The following TCF7 variants were observed in gnomAD, a reference collection of about 807,000 sequenced individuals.
The protein encoded by TCF7 is T-cell-factor-7.
Under a neutral mutation model 46.8 loss-of-function variants are expected in TCF7, and 19 were observed. The ratio of observed to expected loss-of-function variants is 0.41; its 90% CI spans 0.28 to 0.60. TCF7 has a LOEUF of 0.60. TCF7 is among the 20% of genes least tolerant of loss of function. The pLI, the probability that TCF7 is intolerant of heterozygous loss-of-function variation, is 0.35. For synonymous variants in TCF7, 245 were observed against 213.4 expected, an observed-to-expected ratio of 1.15 and a Z score of -1.29; for missense variants, 547 against 504.6, an observed-to-expected ratio of 1.08 and a Z score of -0.81.
intron 5 of TCF7, among the ~76,000 whole-genome samples, chr5:134,140,111 C>T (rs1220843024): frequency 6.6e-6 from 1 of 152,180 alleles, no homozygotes; most frequent in African/African-American, 2.4e-5. Flanking sequence ...CAGCCCTGTG[C>T]TCTCGGCTTC....
chr5:134,111,581 T>G (rs1350173764), upstream of TCF7, among the ~76,000 whole-genome samples: 1 of 151,944 alleles, frequency 6.6e-6, no homozygotes, highest in Admixed American at 6.6e-5. Flanking sequence ...AAGGGAGAGA[T>G]TCTAGGCCCT....
At chr5:134,121,597 A>AG (rs929695546) in intron 3 of TCF7, among the ~76,000 whole-genome samples, 1 of 151,864 alleles carries the variant, frequency 6.6e-6, no homozygotes, top group African/African-American at 2.4e-5. Flanking sequence ...AAAAAAAAAA[A>AG]AAAAATGCAA....
In TCF7 at chr5:134,147,217, T is replaced by G. The variant is rs1275881290; in HGVS notation, c.*914T>G. On this transcript the variant is annotated 3_prime_UTR_variant, in exon 10 of 10. Coordinates refer to ENST00000342854, the MANE Select transcript of TCF7 (RefSeq NM_003202.5). ...TTGGGGAGGGGAGGGTGTATCTAGC[T>G]CTAGTTCAAATTATTTGGAAGTGTT... 6.6e-6 allele frequency: 1 copy of G among 152,232 alleles called. No individual in the cohort carries two copies. The highest frequency in any genetic ancestry group is 1.5e-5 in the Non-Finnish European group (1 of 68,106). 9.4% of individuals were successfully genotyped at this position (152,232 alleles called of 1,614,324 possible). A position where few individuals can be genotyped will look rare whatever the true frequency, so the allele number is the denominator to read the frequency against.
chr5:134,142,626 C>A, intron 6 of TCF7, 95 bp from the exon 7 acceptor site: 1 of 1,483,470 alleles, frequency 6.7e-7, no homozygotes, highest in Non-Finnish European at 9.1e-7. Flanking sequence ...TGGTATCATA[C>A]ACTTAGGCAC....
upstream of TCF7, among the ~76,000 whole-genome samples, chr5:134,111,602 A>T (rs1250751304): frequency 2.0e-5 from 3 of 152,278 alleles, no homozygotes; most frequent in African/African-American, 7.2e-5. Flanking sequence ...CTCTGCCAGC[A>T]AAGGTCTTGG....
At chr5:134,125,773 C>A (rs765337528) in intron 3 of TCF7, among the ~76,000 whole-genome samples, 2 of 152,198 alleles carry the variant, frequency 1.3e-5, no homozygotes, top group African/African-American at 2.4e-5. Context: ...TCACTGCCAA[C>A]ATGTTTGTGA....
Position 134,144,077 on chromosome 5 carries a change from A to G in TCF7, c.1075+437A>G, listed in dbSNP as rs540420801. On this transcript the variant is annotated intron_variant, in intron 9 of 9. Coordinates refer to ENST00000342854, the MANE Select transcript of TCF7 (RefSeq NM_003202.5). ...CCTACTGGCTGGAGCCTGGCAATTT[A>G]TCACCCCCACTTCAACATTTTTCAT... is the stretch of plus-strand genomic sequence containing the variant. 14 of 174,154 alleles carry G rather than the reference A, an allele frequency of 8.0e-5. 1 individual carries two copies. In the South Asian group the frequency reaches 1.9e-3, roughly 24 times the overall value. The allele number at this position is 174,154 out of a possible 1,614,324, so 10.8% of individuals were successfully genotyped here.
intron 3 of TCF7, among the ~76,000 whole-genome samples, chr5:134,135,226 C>A (rs919652531): frequency 6.6e-6 from 1 of 152,200 alleles, no homozygotes; most frequent in Non-Finnish European, 1.5e-5. Context: ...TCCCAAAGTG[C>A]TGGGATTACA....
upstream of TCF7, among the ~76,000 whole-genome samples, chr5:134,110,865 G>T (rs1428791762): frequency 2.6e-5 from 4 of 152,244 alleles, no homozygotes; most frequent in African/African-American, 9.6e-5. Flanking sequence ...AAAAGGAAAG[G>T]AAATGTATAT....
At position 134,115,104 on chromosome 5, in the gene TCF7, AG is replaced by A; in HGVS notation, c.201del (p.Ile68SerfsTer40). 9.4e-7 allele frequency: 1 copy of A among 1,065,778 alleles called. No homozygotes were observed. The highest frequency in any genetic ancestry group is 1.1e-6 in the Non-Finnish European group (1 of 873,758). 66.0% of individuals were successfully genotyped at this position (1,065,778 alleles called of 1,614,324 possible). A position where few individuals can be genotyped will look rare whatever the true frequency, so the allele number is the denominator to read the frequency against. ...AGTCCGAGGGCGCGGCCGGCGGCGC[AG>A]GGATCCCGGGGGTCCCGGGGGCCGG... ...NESEGAAGGA[G>X]IPGVPGAGAG... On this transcript the variant is annotated frameshift_variant, in exon 1 of 10. Transcript: ENST00000342854. LOFTEE classifies it high-confidence loss of function.
At chr5:134,117,809 C>G (rs1376452066) in intron 3 of TCF7, among the ~76,000 whole-genome samples, 1 of 152,244 alleles carries the variant, frequency 6.6e-6, no homozygotes, top group East Asian at 1.9e-4. Flanking sequence ...CCTATAGGTA[C>G]AAATCCCCTT....
At position 134,146,490 on chromosome 5, in the gene TCF7, A is replaced by G; in HGVS notation, c.*187A>G. On this transcript the variant is annotated 3_prime_UTR_variant, in exon 10 of 10. Coordinates refer to ENST00000342854, the MANE Select transcript of TCF7 (RefSeq NM_003202.5). ...AGCACCCTGCAGAGCACACAGGTAC[A>G]GCAACAGGAATCTCAGAGACAGGTG... is the stretch of plus-strand genomic sequence containing the variant. The G allele has an allele frequency of 1.3e-6, 1 of 751,406 alleles. No individual in the cohort carries two copies. The highest frequency in any genetic ancestry group is 1.7e-5 in the African/African-American group (1 of 57,962). The allele number at this position is 751,406 out of a possible 1,614,324, so 46.5% of individuals were successfully genotyped here.
chr5:134,110,770 T>C (rs1015301234), upstream of TCF7, among the ~76,000 whole-genome samples: 3 of 152,250 alleles, frequency 2.0e-5, no homozygotes, highest in East Asian at 5.8e-4. Flanking sequence ...TTGAGACGTT[T>C]TCTGGAAATG....
At chr5:134,132,902 G>A in intron 3 of TCF7, among the ~76,000 whole-genome samples, 1 of 152,276 alleles carries the variant, frequency 6.6e-6, no homozygotes, top group South Asian at 2.1e-4. Flanking sequence ...AGGCACGCAG[G>A]AGCACCCGAA....
At chr5:134,126,104 G>C (rs1176614596) in intron 3 of TCF7, among the ~76,000 whole-genome samples, 3 of 152,268 alleles carry the variant, frequency 2.0e-5, no homozygotes, top group African/African-American at 7.2e-5. Flanking sequence ...TGTGGCTGGC[G>C]TGGTGGCCAG....
upstream of TCF7, among the ~76,000 whole-genome samples, chr5:134,114,420 GGC>G (rs1482658328): frequency 6.6e-6 from 1 of 152,182 alleles, no homozygotes; most frequent in Non-Finnish European, 1.5e-5. Flanking sequence ...GAGAAACCTG[GGC>G]GCAGAAAGCA....
intron 3 of TCF7, among the ~76,000 whole-genome samples, chr5:134,136,431 T>C (rs1336839825): frequency 6.6e-6 from 1 of 152,034 alleles, no homozygotes; most frequent in African/African-American, 2.4e-5. Flanking sequence ...GGCAGATGGA[T>C]GAGCAGGGCC....
chr5:134,136,100 G>GTA (rs1561680543), intron 3 of TCF7, among the ~76,000 whole-genome samples: 1 of 152,216 alleles, frequency 6.6e-6, no homozygotes. Flanking sequence ...ACTAGGGGCA[G>GTA]TGAATGGGGA....
upstream of TCF7, among the ~76,000 whole-genome samples, chr5:134,113,130 C>T (rs1219432386): frequency 6.6e-6 from 1 of 152,222 alleles, no homozygotes; most frequent in Non-Finnish European, 1.5e-5. Flanking sequence ...CCCCCTTCCC[C>T]GCCAATCCGG....
Sources: gnomAD v4.1 joint callset for allele counts (sites outside exome capture counted in the v4.1 genomes callset) on GRCh38, gnomAD v4.1.1 for gene constraint, MANE v1.5 for transcripts, NCBI Gene and HGNC (gene_info 2026-07-23, HGNC 2026-07-21) for gene names.